The following GAS2 variants were observed in gnomAD, a reference collection of about 807,000 sequenced individuals.
GAS2 encodes growth arrest specific 2.
A neutral mutation model predicts 37.5 loss-of-function variants in GAS2; 20 were observed. The ratio of observed to expected loss-of-function variants is 0.53; its 90% confidence interval spans 0.37 to 0.77. The LOEUF is 0.77. Ranked by LOEUF, GAS2 falls within the 30% of genes least tolerant of loss-of-function variation. GAS2 has a pLI of 0.00. For missense variants in GAS2, 336 were observed against 373.4 expected (o/e 0.90, Z 0.82); for synonymous variants, 144 against 132.2 (o/e 1.09, Z -0.61).
At chr11:22,780,356 G>C (rs953403724) in intron 7 of GAS2, among the ~76,000 whole-genome samples, 1 of 151,892 alleles carries the variant, frequency 6.6e-6, no homozygotes, top group Non-Finnish European at 1.5e-5. Flanking sequence ...TCAGCCAGAC[G>C]TGGCGGCATG....
At chr11:22,739,900 T>C (rs1490047442) in intron 5 of GAS2, among the ~76,000 whole-genome samples, 1 of 152,002 alleles carries the variant, frequency 6.6e-6, no homozygotes, top group Non-Finnish European at 1.5e-5. Context: ...TTAGGTGGGA[T>C]TTATAAATTT....
At chr11:22,648,501 A>C (rs971679284) in intron 1 of GAS2, among the ~76,000 whole-genome samples, 6 of 152,284 alleles carry the variant, frequency 3.9e-5, no homozygotes, top group African/African-American at 1.4e-4. Context: ...TTGAATCTGT[A>C]AATTACCTTG....
intron 6 of GAS2, among the ~76,000 whole-genome samples, chr11:22,749,946 A>G (rs1400383847): frequency 6.6e-6 from 1 of 152,046 alleles, no homozygotes. Flanking sequence ...TTAAGTAGTT[A>G]TTGGTTATGA....
chr11:22,757,276 A>G (rs894159153), intron 7 of GAS2, among the ~76,000 whole-genome samples: 2 of 152,086 alleles, frequency 1.3e-5, no homozygotes, highest in African/African-American at 4.8e-5. Flanking sequence ...TAATGTCCAC[A>G]TTTGTGAATA....
At chr11:22,806,097 T>G (rs1856869556) in intron 7 of GAS2, among the ~76,000 whole-genome samples, 1 of 152,122 alleles carries the variant, frequency 6.6e-6, no homozygotes, top group Non-Finnish European at 1.5e-5. Context: ...GCCTTAACCA[T>G]CTGGGAATGC....
chr11:22,792,037 T>C (rs1011660020), intron 7 of GAS2, among the ~76,000 whole-genome samples: 1 of 152,204 alleles, frequency 6.6e-6, no homozygotes, highest in African/African-American at 2.4e-5. Flanking sequence ...CAGGTAAGAT[T>C]CTGAAATACT....
chr11:22,723,450 A>C (rs895918278), intron 3 of GAS2, among the ~76,000 whole-genome samples: 1 of 151,924 alleles, frequency 6.6e-6, no homozygotes, highest in African/African-American at 2.4e-5. Flanking sequence ...AATTTCTTCA[A>C]GAGTGGGCTG....
At chr11:22,792,522 T>C (rs142273293) in intron 7 of GAS2, among the ~76,000 whole-genome samples, 1 of 152,204 alleles carries the variant, frequency 6.6e-6, no homozygotes, top group Non-Finnish European at 1.5e-5. Context: ...TACTAGAATT[T>C]CTAGAGGCAA....
intron 3 of GAS2, among the ~76,000 whole-genome samples, chr11:22,689,215 C>A (rs1850113194): frequency 2.6e-5 from 4 of 152,036 alleles, no homozygotes; most frequent in Admixed American, 2.6e-4. Context: ...CATTTATATA[C>A]CCAACCTCAA....
intron 7 of GAS2, 140 bp downstream of exon 7, chr11:22,756,093 C>T (rs773008791): frequency 1.6e-6 from 1 of 610,400 alleles, no homozygotes; most frequent in Non-Finnish European, 2.9e-6. Context: ...TTTAAAGTAA[C>T]ATACATTATA....
chr11:22,792,980 A>T (rs1317685295), intron 7 of GAS2, among the ~76,000 whole-genome samples: 1 of 152,224 alleles, frequency 6.6e-6, no homozygotes, highest in African/African-American at 2.4e-5. Context: ...AACAGGGATT[A>T]CAAAGAGGCC....
At chr11:22,652,965 G>GTCTTTCTTTCTT (rs1324426959) in intron 1 of GAS2, among the ~76,000 whole-genome samples, 1 of 150,028 alleles carries the variant, frequency 6.7e-6, no homozygotes, top group Non-Finnish European at 1.5e-5. Flanking sequence ...TTCTTTCTTT[G>GTCTTTCTTTCTT]TCTTTCTTTC....
At chr11:22,692,717 T>C (rs1850306223) in intron 3 of GAS2, among the ~76,000 whole-genome samples, 1 of 152,290 alleles carries the variant, frequency 6.6e-6, no homozygotes, top group South Asian at 2.1e-4. Context: ...CCTTTTAGCC[T>C]AGTGATTTTT....
At chr11:22,733,931 T>A (rs1852614050) in intron 4 of GAS2, among the ~76,000 whole-genome samples, 1 of 151,722 alleles carries the variant, frequency 6.6e-6, no homozygotes, top group Non-Finnish European at 1.5e-5. Context: ...CAAAAGACCT[T>A]GTTAATGTTA....
intron 1 of GAS2, chr11:22,672,576 A>T (rs1258360444): frequency 6.6e-6 from 1 of 152,198 alleles, no homozygotes; most frequent in Non-Finnish European, 1.5e-5. Context: ...CACAGAGCAC[A>T]TAATAGGGTG....
At chr11:22,636,091 G>A (rs1858817669) in intron 1 of GAS2, among the ~76,000 whole-genome samples, 1 of 151,976 alleles carries the variant, frequency 6.6e-6, no homozygotes, top group South Asian at 2.1e-4. Flanking sequence ...TCTTTCAAAG[G>A]GTCTATGTTT....
At chr11:22,798,051 G>C (rs1856510005) in intron 7 of GAS2, among the ~76,000 whole-genome samples, 1 of 152,078 alleles carries the variant, frequency 6.6e-6, no homozygotes. Flanking sequence ...AATCCTAAGA[G>C]ATTTTCAAAT....
intron 3 of GAS2, among the ~76,000 whole-genome samples, chr11:22,698,497 G>T (rs1850659802): frequency 6.6e-6 from 1 of 151,854 alleles, no homozygotes; most frequent in Non-Finnish European, 1.5e-5. Flanking sequence ...GAAAAAGAGG[G>T]AATCCTCCCT....
chr11:22,655,823 A>G (rs766478382), intron 1 of GAS2, among the ~76,000 whole-genome samples: 12 of 152,192 alleles, frequency 7.9e-5, no homozygotes, highest in African/African-American at 2.7e-4. Context: ...TTTACTTTCT[A>G]TGTGTCTAGA....
Sources: allele counts gnomAD v4.1 joint callset (sites outside exome capture counted in the v4.1 genomes callset), GRCh38; gene constraint gnomAD v4.1.1; transcripts MANE v1.5; gene names NCBI Gene and HGNC (gene_info 2026-07-23, HGNC 2026-07-21).